The following ATP6V0A4 variants were observed in gnomAD, a reference collection of about 807,000 sequenced individuals.
ATP6V0A4 encodes the protein V-type proton ATPase 116 kDa subunit a 4.
In ATP6V0A4, 86 loss-of-function variants were observed where a neutral mutation model predicts 107.3. That is an observed-to-expected ratio of 0.80 (90% CI 0.67 to 0.96). The LOEUF (loss-of-function observed/expected upper bound fraction) is 0.96. ATP6V0A4 is among the 40% of genes least tolerant of loss of function. ATP6V0A4 has a pLI of 0.00. For synonymous variants in ATP6V0A4, 353 were observed against 381.4 expected (o/e 0.93, Z 0.87); for missense variants, 908 against 1,045.6 (o/e 0.87, Z 1.81).
rs541097291 is a variant in ATP6V0A4 at position 138,706,807 on chromosome 7, G to A, written c.2430-90C>T. ...AAGGTGGAGGGAAGGAGGAAGCAGA[G>A]CGTTCGTAAAATCAAGCACAAAGTC... is the stretch of plus-strand genomic sequence containing the variant. On this transcript the variant is annotated intron_variant, in intron 21 of 21. Transcript: ENST00000310018. The A allele has an allele frequency of 5.2e-5, 82 of 1,573,592 alleles. 2 individuals are homozygous for A. In the South Asian group the frequency reaches 8.6e-4, roughly 16 times the overall value.
chr7:138,766,219 TG>T (rs66970075), intron 5 of ATP6V0A4, among the ~76,000 whole-genome samples: 45,737 of 100,366 alleles, frequency 0.46, 7,919 homozygotes, highest in African/African-American at 0.6. Flanking sequence ...TTTTTTTTTT[TG>T]GAAACACAGT....
At chr7:138,792,742 G>A (rs1030651621) in intron 1 of ATP6V0A4, among the ~76,000 whole-genome samples, 1 of 149,110 alleles carries the variant, frequency 6.7e-6, no homozygotes, top group African/African-American at 2.5e-5. Flanking sequence ...GGGACCACAG[G>A]CTTGCATCAC....
intron 21 of ATP6V0A4, among the ~76,000 whole-genome samples, chr7:138,707,028 T>C (rs1467623357): frequency 1.5e-5 from 2 of 133,896 alleles, no homozygotes; most frequent in Non-Finnish European, 3.1e-5. Context: ...CCTGAGTAGC[T>C]GGGACTATAG....
intron 3 of ATP6V0A4, among the ~76,000 whole-genome samples, chr7:138,770,443 C>G (rs1807324330): frequency 1.3e-5 from 2 of 152,172 alleles, no homozygotes; most frequent in South Asian, 4.1e-4. Context: ...AACTTCAACT[C>G]TCAGCTCAGC....
chr7:138,723,530 T>C (rs1036727087), intron 18 of ATP6V0A4, among the ~76,000 whole-genome samples: 7 of 76,054 alleles, frequency 9.2e-5, no homozygotes, highest in Non-Finnish European at 1.9e-4. Context: ...TTTCTTTTTT[T>C]TTTTTTTTTT....
At chr7:138,742,191 C>T (rs1805666165) in intron 14 of ATP6V0A4, among the ~76,000 whole-genome samples, 1 of 152,116 alleles carries the variant, frequency 6.6e-6, no homozygotes, top group African/African-American at 2.4e-5. Context: ...CTTTGGGAGG[C>T]CGAGGCAGGT....
At chr7:138,755,965 G>T in intron 9 of ATP6V0A4, 183 bp from the exon 10 acceptor site, 1 of 1,070,062 alleles carries the variant, frequency 9.3e-7, no homozygotes, top group Non-Finnish European at 1.3e-6. Context: ...CGTCACTTGT[G>T]CTGTGAATTG....
chr7:138,728,153 A>AAATCAT (rs1554392221), intron 18 of ATP6V0A4, among the ~76,000 whole-genome samples: 5 of 151,834 alleles, frequency 3.3e-5, no homozygotes, highest in Non-Finnish European at 7.4e-5. Flanking sequence ...TCAGACCCTT[A>AAATCAT]TAAATCATTA....
intron 11 of ATP6V0A4, among the ~76,000 whole-genome samples, chr7:138,750,918 G>C (rs1275946903): frequency 6.6e-6 from 1 of 152,036 alleles, no homozygotes; most frequent in African/African-American, 2.4e-5. Flanking sequence ...TTCTTTATCT[G>C]TACGAAGGGG....
At chr7:138,766,217 TTTG>T (rs879751497) in intron 5 of ATP6V0A4, among the ~76,000 whole-genome samples, 136 of 77,610 alleles carry the variant, frequency 1.8e-3, no homozygotes, top group African/African-American at 8.4e-3. Context: ...TTTTTTTTTT[TTTG>T]GAAACACAGT....
intron 1 of ATP6V0A4, among the ~76,000 whole-genome samples, chr7:138,797,636 G>A (rs996391304): frequency 3.3e-5 from 5 of 152,002 alleles, no homozygotes; most frequent in African/African-American, 7.3e-5. Flanking sequence ...TGAATGATGC[G>A]TGTTTGTAAT....
At position 138,765,075 on chromosome 7, in the gene ATP6V0A4, G is replaced by A. The variant is rs565672402; in HGVS notation, c.292-2050C>T. 3.4e-4 allele frequency among the ~76,000 whole-genome samples: 52 copies of A among 152,224 alleles called. 2 individuals are homozygous for A. The highest frequency in any genetic ancestry group is 1.0e-3 in the African/African-American group (43 of 41,530). On this transcript the variant is annotated intron_variant, in intron 5 of 21. Transcript: ENST00000310018. Reference sequence around the variant, plus strand: ...CTCCCAAAGTGCTGGGATTACAGCCGTGAGCCACTGCGCCTGGCACAAAGA... The same window carrying A: ...CTCCCAAAGTGCTGGGATTACAGCCATGAGCCACTGCGCCTGGCACAAAGA...
chr7:138,797,208 C>CTTT lies in ATP6V0A4; in HGVS notation c.-121+823_-121+825dup, dbSNP rs3842142. 2.6e-3 allele frequency among the ~76,000 whole-genome samples: 250 copies of CTTT among 96,038 alleles called. 6 individuals carry two copies. Among genetic ancestry groups the CTTT allele is most frequent in the African/African-American group, 8.6e-3 (217 of 25,154 alleles). The allele number at this position is 96,038 out of a possible 152,430, so 63.0% of individuals were successfully genotyped here. A position where few individuals can be genotyped will look rare whatever the true frequency, so the allele number is the denominator to read the frequency against. Reference sequence around the variant, plus strand: ...CAAGGCCCAGGCCAAATGCCATTTTCTTTTTTTTTTTTTTTTTTTTTTTGG... The same window carrying CTTT: ...CAAGGCCCAGGCCAAATGCCATTTTCTTTTTTTTTTTTTTTTTTTTTTTTTTGG... On this transcript the variant is annotated intron_variant, in intron 1 of 21. Transcript: ENST00000310018.
chr7:138,790,098 T>C (rs528119678), intron 1 of ATP6V0A4, among the ~76,000 whole-genome samples: 2 of 152,186 alleles, frequency 1.3e-5, no homozygotes, highest in African/African-American at 4.8e-5. Flanking sequence ...CACCCAAAAC[T>C]GTACATCCTA....
intron 7 of ATP6V0A4, among the ~76,000 whole-genome samples, chr7:138,760,836 T>C (rs1341051379): frequency 6.6e-6 from 1 of 152,194 alleles, no homozygotes; most frequent in Admixed American, 6.5e-5. Flanking sequence ...CAGAAATGCT[T>C]TAAAATGCCT....
intron 2 of ATP6V0A4, among the ~76,000 whole-genome samples, chr7:138,771,789 G>A (rs1807404193): frequency 6.6e-6 from 1 of 151,998 alleles, no homozygotes; most frequent in African/African-American, 2.4e-5. Context: ...CCAGCTAGTT[G>A]TTTTATTTTT....
intron 20 of ATP6V0A4, among the ~76,000 whole-genome samples, chr7:138,713,280 G>GGA (rs771862237): frequency 1.7e-5 from 2 of 120,726 alleles, no homozygotes; most frequent in African/African-American, 3.2e-5. Flanking sequence ...ACTCCAGCCT[G>GGA]AAAAAAAAAA....
rs182541636 is a variant in ATP6V0A4 at position 138,749,083 on chromosome 7, T to C, written c.1180+84A>G. ...CCCCAAGCCTCACAGTTTTAACAAG[T>C]TCACCACCTCGGTCACCTCAGGGGT... On this transcript the variant is annotated intron_variant, in intron 12 of 21. Coordinates refer to ENST00000310018, the MANE Select transcript of ATP6V0A4 (RefSeq NM_020632.3). The C allele has an allele frequency of 4.7e-5, 73 of 1,557,416 alleles. 1 individual carries two copies. In the Admixed American group the frequency reaches 8.3e-4, roughly 18 times the overall value.
chr7:138,717,415 G>C (rs564656619), intron 19 of ATP6V0A4, among the ~76,000 whole-genome samples: 1 of 152,032 alleles, frequency 6.6e-6, no homozygotes, highest in Non-Finnish European at 1.5e-5. Context: ...GTGTGGTGGC[G>C]TGCACCTGTA....
Sources: allele counts gnomAD v4.1 joint callset (sites outside exome capture counted in the v4.1 genomes callset), GRCh38; gene constraint gnomAD v4.1.1; transcripts MANE v1.5; gene names NCBI Gene and HGNC (gene_info 2026-07-23, HGNC 2026-07-21).